TENM3: variants seen among roughly 807,000 people sequenced by gnomAD.
TENM3 encodes the protein teneurin transmembrane protein 3, also known as teneurin-3.
A neutral mutation model predicts 255.1 loss-of-function variants in TENM3; 63 were observed. The ratio of observed to expected loss-of-function variants is 0.25; its 90% CI spans 0.20 to 0.30. The LOEUF is 0.30. Ranked by LOEUF, TENM3 falls within the 10% of genes least tolerant of loss-of-function variation. The pLI, the probability that TENM3 is intolerant of heterozygous loss-of-function variation, is 1.00. For synonymous variants in TENM3, 1,306 were observed against 1,322.3 expected, an observed-to-expected ratio of 0.99 and a Z score of 0.27; for missense variants, 2,929 against 3,461.1, an observed-to-expected ratio of 0.85 and a Z score of 3.86.
At chr4:181,544,410 A>T in the TENM3 span, among the ~76,000 whole-genome samples, 2 of 57,222 alleles carry the variant, frequency 3.5e-5, no homozygotes, top group South Asian at 6.0e-4. Context: ...TTCAGGATTA[A>T]AAAAAAAAAA....
At chr4:182,451,045 G>A (rs1415027809) in intron 3 of TENM3, among the ~76,000 whole-genome samples, 2 of 152,116 alleles carry the variant, frequency 1.3e-5, no homozygotes, top group African/African-American at 2.4e-5. Flanking sequence ...AAACTGCTCG[G>A]TAGCCCTGCA....
intron 13 of TENM3, among the ~76,000 whole-genome samples, chr4:182,726,460 C>T (rs903837761): frequency 6.6e-6 from 1 of 152,154 alleles, no homozygotes; most frequent in Non-Finnish European, 1.5e-5. Flanking sequence ...GCTTCTATAC[C>T]GGCAGCAAGG....
intron 4 of TENM3, among the ~76,000 whole-genome samples, chr4:182,615,638 A>G (rs913861778): frequency 6.6e-6 from 1 of 152,150 alleles, no homozygotes; most frequent in African/African-American, 2.4e-5. Flanking sequence ...AAAAGTAGCA[A>G]TGACATTAGC....
At chr4:181,589,470 G>A in the TENM3 span, among the ~76,000 whole-genome samples, 1 of 152,076 alleles carries the variant, frequency 6.6e-6, no homozygotes, top group African/African-American at 2.4e-5. Flanking sequence ...AAACAATTGT[G>A]GTTCAAAACA....
chr4:181,713,502 G>A, the TENM3 span, among the ~76,000 whole-genome samples: 1 of 152,248 alleles, frequency 6.6e-6, no homozygotes, highest in East Asian at 1.9e-4. Context: ...CCTTGGTTGA[G>A]GGAAAATCTT....
chr4:182,153,675 G>A (rs1329652888), intron 1 of TENM3, among the ~76,000 whole-genome samples: 1 of 152,096 alleles, frequency 6.6e-6, no homozygotes, highest in Non-Finnish European at 1.5e-5. Context: ...TCTATGAGAT[G>A]CCATCAGTTA....
At chr4:181,521,451 G>A in the TENM3 span, among the ~76,000 whole-genome samples, 2 of 152,264 alleles carry the variant, frequency 1.3e-5, no homozygotes, top group South Asian at 4.1e-4. Flanking sequence ...AAGGTGAAAT[G>A]TGAAGCTATT....
intron 1 of TENM3, among the ~76,000 whole-genome samples, chr4:182,318,842 G>A (rs552756372): frequency 4.6e-5 from 7 of 152,190 alleles, no homozygotes; most frequent in Admixed American, 3.3e-4. Flanking sequence ...ATCATGGCTC[G>A]CTCTGTCCTT....
intron 3 of TENM3, among the ~76,000 whole-genome samples, chr4:182,427,961 T>TG (rs397697332): frequency 7.2e-5 from 11 of 151,784 alleles, no homozygotes; most frequent in Admixed American, 1.3e-4. Context: ...TTTTTTTTTT[T>TG]GCCAACTTGC....
intron 3 of TENM3, chr4:182,349,940 A>G (rs1465148910): frequency 4.0e-6 from 1 of 248,540 alleles, no homozygotes; most frequent in Non-Finnish European, 8.0e-6. Context: ...TTTAAGAGCC[A>G]GATGCTGATG....
At chr4:182,112,384 C>T in the TENM3 span, among the ~76,000 whole-genome samples, 2 of 152,262 alleles carry the variant, frequency 1.3e-5, no homozygotes, top group East Asian at 1.9e-4. Context: ...GCACAACACT[C>T]ATTTGATGAG....
intron 3 of TENM3, among the ~76,000 whole-genome samples, chr4:182,548,378 G>A (rs1029666782): frequency 1.4e-4 from 22 of 152,078 alleles, no homozygotes; most frequent in African/African-American, 4.3e-4. Flanking sequence ...GTAAACACAC[G>A]GTTTTAGGAA....
chr4:182,545,790 C>G (rs1741379962), intron 3 of TENM3, among the ~76,000 whole-genome samples: 1 of 152,092 alleles, frequency 6.6e-6, no homozygotes, highest in Non-Finnish European at 1.5e-5. Flanking sequence ...ACCTGTTTTA[C>G]TCTGTTTCTC....
At chr4:181,563,331 A>T in the TENM3 span, among the ~76,000 whole-genome samples, 17,477 of 152,128 alleles carry the variant, frequency 0.11, 1,116 homozygotes, top group Middle Eastern at 0.17. Flanking sequence ...CATCTGTACT[A>T]GGTTTTCTCA....
the TENM3 span, among the ~76,000 whole-genome samples, chr4:181,664,491 C>A: frequency 0.3 from 14,374 of 48,304 alleles, 781 homozygotes; most frequent in African/African-American, 0.43. Context: ...AAAAACAAAA[C>A]AAAAAAATAG....
chr4:181,466,486 C>T, the TENM3 span, among the ~76,000 whole-genome samples: 1 of 152,112 alleles, frequency 6.6e-6, no homozygotes, highest in Non-Finnish European at 1.5e-5. Context: ...CTGTGTGAGC[C>T]ACCTACACTT....
chr4:182,235,731 A>G (rs564599068), intron 1 of TENM3, among the ~76,000 whole-genome samples: 1 of 152,314 alleles, frequency 6.6e-6, no homozygotes, highest in Non-Finnish European at 1.5e-5. Context: ...ACAAGCAAAC[A>G]TGCTGAGCAC....
the TENM3 span, among the ~76,000 whole-genome samples, chr4:181,590,017 G>A: frequency 1.3e-4 from 20 of 152,124 alleles, no homozygotes; most frequent in Non-Finnish European, 2.4e-4. Flanking sequence ...TCACATATTT[G>A]AGGGTGCCTC....
chr4:182,450,089 G>C (rs958765741), intron 3 of TENM3, among the ~76,000 whole-genome samples: 6 of 152,198 alleles, frequency 3.9e-5, no homozygotes, highest in African/African-American at 7.2e-5. Context: ...AGTGCCTTAA[G>C]ATGGTGTAGT....
Sources: allele counts gnomAD v4.1 joint callset (sites outside exome capture counted in the v4.1 genomes callset), GRCh38; gene constraint gnomAD v4.1.1; transcripts MANE v1.5; gene names NCBI Gene and HGNC (gene_info 2026-07-23, HGNC 2026-07-21).